SPPL2A: variants seen among roughly 807,000 people sequenced by gnomAD.
SPPL2A encodes signal peptide peptidase-like 2A.
In SPPL2A, 51 loss-of-function variants were observed where a neutral mutation model predicts 63.8. That is an observed-to-expected ratio of 0.80 (90% CI 0.64 to 1.01). The LOEUF (loss-of-function observed/expected upper bound fraction) is 1.01. Ranked by LOEUF, SPPL2A falls within the 50% of genes least tolerant of loss-of-function variation. The probability of loss-of-function intolerance (pLI) is 0.00; values close to 1 mark genes in which losing one functional copy is unlikely to be tolerated. For synonymous variants in SPPL2A, 188 were observed against 205.8 expected (o/e 0.91, Z 0.74); for missense variants, 553 against 622.7 (o/e 0.89, Z 1.19).
chr15:50,711,923 CAT>C (rs1329186713), intron 14 of SPPL2A, among the ~76,000 whole-genome samples: 5 of 152,146 alleles, frequency 3.3e-5, no homozygotes, highest in African/African-American at 1.2e-4. Context: ...TGTAGAGATA[CAT>C]GTCTAGTTTA....
intron 1 of SPPL2A, among the ~76,000 whole-genome samples, chr15:50,764,321 A>G (rs2063039435): frequency 6.6e-6 from 1 of 152,216 alleles, no homozygotes; most frequent in African/African-American, 2.4e-5. Context: ...GACTCCGACT[A>G]ACACTGCTAC....
chr15:50,723,495 T>G (rs11630054), intron 12 of SPPL2A, among the ~76,000 whole-genome samples: 46,026 of 151,988 alleles, frequency 0.3, 7,500 homozygotes, highest in East Asian at 0.57. Context: ...TGTTTTTTTT[T>G]GAGACAGAGT....
chr15:50,753,103 A>G (rs1351906326), intron 1 of SPPL2A, among the ~76,000 whole-genome samples: 1 of 152,234 alleles, frequency 6.6e-6, no homozygotes, highest in Non-Finnish European at 1.5e-5. Context: ...TTACATTATG[A>G]TATGCACAGT....
At position 50,705,832 on chromosome 15, in the gene SPPL2A, G is replaced by A. The variant is rs192043712; in HGVS notation, c.*1968C>T. 133 of 152,236 alleles carry A rather than the reference G, an allele frequency of 8.7e-4. 1 individual carries two copies. The highest frequency in any genetic ancestry group is 3.0e-3 in the African/African-American group (126 of 41,530). 9.4% of individuals were successfully genotyped at this position (152,236 alleles called of 1,614,324 possible). A position where few individuals can be genotyped will look rare whatever the true frequency, so the allele number is the denominator to read the frequency against. On this transcript the variant is annotated 3_prime_UTR_variant, in exon 15 of 15. Coordinates refer to ENST00000261854, the MANE Select transcript of SPPL2A (RefSeq NM_032802.4). Reference sequence around the variant, plus strand: ...AGTTTTATTTTTAATAAATTGAACTGGCCTTAGATGAAAGATATAGTTCTG... The same window carrying A: ...AGTTTTATTTTTAATAAATTGAACTAGCCTTAGATGAAAGATATAGTTCTG...
Position 50,765,614 on chromosome 15 carries a change from C to T in SPPL2A, c.-81G>A, listed in dbSNP as rs974887417. ...GTAGGCTCGGAGTCCCGCCGCTGCG[C>T]TGCCTCCGTGGCCGGACCGGACCGG... is the stretch of plus-strand genomic sequence containing the variant. On this transcript the variant is annotated 5_prime_UTR_variant, in exon 1 of 15. Coordinates refer to ENST00000261854, the MANE Select transcript of SPPL2A (RefSeq NM_032802.4). 2.9e-6 allele frequency: 3 copies of T among 1,024,746 alleles called. No individual in the cohort carries two copies. Among genetic ancestry groups the T allele is most frequent in the African/African-American group, 3.4e-5 (2 of 59,214 alleles). The allele number at this position is 1,024,746 out of a possible 1,614,324, so 63.5% of individuals were successfully genotyped here.
At chr15:50,741,741 C>A (rs550350025) in intron 5 of SPPL2A, among the ~76,000 whole-genome samples, 2 of 152,048 alleles carry the variant, frequency 1.3e-5, no homozygotes, top group East Asian at 3.9e-4. Context: ...CTGAGGTGGG[C>A]GGATCACTTG....
At chr15:50,719,842 G>T in intron 14 of SPPL2A, 98 bp downstream of exon 14, 2 of 795,554 alleles carry the variant, frequency 2.5e-6, no homozygotes, top group Non-Finnish European at 4.0e-6. Context: ...GTACTTTTTG[G>T]TACATAAAAG....
At chr15:50,716,663 C>G (rs2062601305) in intron 14 of SPPL2A, among the ~76,000 whole-genome samples, 1 of 152,150 alleles carries the variant, frequency 6.6e-6, no homozygotes, top group Non-Finnish European at 1.5e-5. Flanking sequence ...CTAAACTAAA[C>G]AAAGATTTAA....
At position 50,731,522 on chromosome 15, in the gene SPPL2A, G is replaced by A. The variant is rs144152123; in HGVS notation, c.1015-483C>T. Among the ~76,000 whole-genome samples the A allele has an allele frequency of 6.6e-3, 1,005 of 151,972 alleles. 13 individuals are homozygous for A. Among genetic ancestry groups the A allele is most frequent in the African/African-American group, 0.023 (939 of 41,466 alleles). ...GATCGTGCCACTGCACTCCAGCCTC[G>A]GTGACAGAGTGAAACTCTGTCTTGG... On this transcript the variant is annotated intron_variant, in intron 9 of 14. Coordinates refer to ENST00000261854, the MANE Select transcript of SPPL2A (RefSeq NM_032802.4).
intron 8 of SPPL2A, among the ~76,000 whole-genome samples, chr15:50,734,875 T>C (rs1316907552): frequency 6.6e-6 from 1 of 152,206 alleles, no homozygotes; most frequent in Non-Finnish European, 1.5e-5. Context: ...TTGTACTTTA[T>C]ATATCATAGA....
intron 9 of SPPL2A, among the ~76,000 whole-genome samples, chr15:50,732,082 C>T (rs569507180): frequency 1.3e-5 from 2 of 152,102 alleles, no homozygotes; most frequent in South Asian, 2.1e-4. Context: ...AGCAAGACCC[C>T]TATCTCTACA....
intron 6 of SPPL2A, among the ~76,000 whole-genome samples, chr15:50,739,291 G>C (rs1009137529): frequency 1.3e-5 from 2 of 149,110 alleles, no homozygotes; most frequent in Non-Finnish European, 3.0e-5. Flanking sequence ...CGATTCTCCT[G>C]ACTCAGCCTC....
intron 1 of SPPL2A, 94 bp downstream of exon 1, chr15:50,765,374 G>T: frequency 2.1e-6 from 2 of 952,202 alleles, no homozygotes; most frequent in South Asian, 1.7e-5. Flanking sequence ...CGGGCAGAGG[G>T]GAGGCCGGGC....
intron 14 of SPPL2A, among the ~76,000 whole-genome samples, chr15:50,718,809 G>A (rs2062620364): frequency 1.3e-5 from 2 of 152,122 alleles, no homozygotes; most frequent in African/African-American, 4.8e-5. Context: ...AGATGGACAT[G>A]GACTTTGAAC....
intron 1 of SPPL2A, among the ~76,000 whole-genome samples, chr15:50,756,977 T>G (rs1297933690): frequency 6.6e-6 from 1 of 152,146 alleles, no homozygotes; most frequent in African/African-American, 2.4e-5. Context: ...GATCACATAT[T>G]TCTCTGCATT....
In SPPL2A at chr15:50,751,573, C is replaced by T. The variant is rs144673687; in HGVS notation, c.67-1827G>A. On this transcript the variant is annotated intron_variant, in intron 1 of 14. Transcript: ENST00000261854. ...CCTGCACTAGTGATGCTGACTTTGACGATCTGGTTAAGGTGGTAACCGCAG... is the reference window on the plus strand; with the variant it reads ...CCTGCACTAGTGATGCTGACTTTGATGATCTGGTTAAGGTGGTAACCGCAG... 8.3e-3 allele frequency among the ~76,000 whole-genome samples: 1,260 copies of T among 152,292 alleles called. 25 individuals are homozygous for T. Among genetic ancestry groups the T allele is most frequent in the Non-Finnish European group, 8.6e-3 (587 of 68,026 alleles).
intron 1 of SPPL2A, among the ~76,000 whole-genome samples, chr15:50,759,199 T>C (rs1247221439): frequency 6.6e-6 from 1 of 152,144 alleles, no homozygotes; most frequent in Non-Finnish European, 1.5e-5. Flanking sequence ...CCACCATGCC[T>C]GGCCAACTTT....
intron 2 of SPPL2A, 39 bp from the exon 3 acceptor site, chr15:50,748,909 T>C: frequency 2.2e-6 from 3 of 1,364,474 alleles, no homozygotes; most frequent in Non-Finnish European, 3.0e-6. Flanking sequence ...GTTAAAAATC[T>C]ATTTCATCCT....
chr15:50,726,214 A>G, intron 11 of SPPL2A, 107 bp downstream of exon 11: 6 of 1,459,624 alleles, frequency 4.1e-6, no homozygotes, highest in Non-Finnish European at 5.7e-6. Context: ...GTTTTACAAT[A>G]CCTTAACATG....
Sources: gnomAD v4.1 joint callset for allele counts (sites outside exome capture counted in the v4.1 genomes callset) on GRCh38, gnomAD v4.1.1 for gene constraint, MANE v1.5 for transcripts, NCBI Gene and HGNC (gene_info 2026-07-23, HGNC 2026-07-21) for gene names.